Variants in RIMS2 observed in about 807,000 individuals in gnomAD.
RIMS2 encodes regulating synaptic membrane exocytosis protein 2.
Under a neutral mutation model 174.4 loss-of-function variants are expected in RIMS2, and 59 were observed. The observed-to-expected ratio is 0.34, with a 90% CI of 0.27 to 0.42. The LOEUF is 0.42. RIMS2 is among the 10% of genes least tolerant of loss of function. The probability of loss-of-function intolerance (pLI) is 1.00; values close to 1 mark genes in which losing one functional copy is unlikely to be tolerated. For synonymous variants in RIMS2, 606 were observed against 572.5 expected, an observed-to-expected ratio of 1.06 and a Z score of -0.84; for missense variants, 1,620 against 1,666.3, an observed-to-expected ratio of 0.97 and a Z score of 0.48.
intron 3 of RIMS2, among the ~76,000 whole-genome samples, chr8:103,770,365 C>G (rs1189972605): frequency 2.6e-5 from 4 of 152,112 alleles, no homozygotes; most frequent in African/African-American, 9.7e-5. Flanking sequence ...CACCTGAGGT[C>G]AGGAGTTCAA....
At chr8:103,696,716 T>C (rs2097105198) in intron 1 of RIMS2, among the ~76,000 whole-genome samples, 2 of 151,626 alleles carry the variant, frequency 1.3e-5, no homozygotes, top group Admixed American at 6.6e-5. Context: ...ATATAAAAAT[T>C]AGCTGGCGTG....
chr8:103,831,077 G>A (rs2098822998), intron 3 of RIMS2, among the ~76,000 whole-genome samples: 1 of 152,124 alleles, frequency 6.6e-6, no homozygotes, highest in African/African-American at 2.4e-5. Context: ...CCAAAGTACT[G>A]GGATTACAGG....
intron 3 of RIMS2, among the ~76,000 whole-genome samples, chr8:103,802,447 C>G (rs1371009340): frequency 1.3e-5 from 2 of 152,072 alleles, no homozygotes; most frequent in Non-Finnish European, 2.9e-5. Context: ...TTCACCTTCC[C>G]CTTTGGCTCT....
chr8:103,991,069 G>A (rs537773904), intron 17 of RIMS2, among the ~76,000 whole-genome samples: 3 of 151,898 alleles, frequency 2.0e-5, no homozygotes, highest in African/African-American at 7.2e-5. Flanking sequence ...TCATGTCAGA[G>A]ATATCCTACA....
intron 19 of RIMS2, among the ~76,000 whole-genome samples, chr8:104,150,349 G>T (rs939305485): frequency 6.6e-6 from 1 of 152,102 alleles, no homozygotes; most frequent in African/African-American, 2.4e-5. Flanking sequence ...GACACATGAA[G>T]AAAAAAGATG....
chr8:103,948,070 C>A (rs1004728792), intron 14 of RIMS2, among the ~76,000 whole-genome samples: 2 of 152,032 alleles, frequency 1.3e-5, no homozygotes. Flanking sequence ...ATATGGATCA[C>A]AAATAAGGCC....
At chr8:103,922,749 G>A in intron 10 of RIMS2, 1 of 287,490 alleles carries the variant, frequency 3.5e-6, no homozygotes, top group South Asian at 2.8e-5. Context: ...TTTGGGGGTG[G>A]GTGGGGAGGA....
At chr8:103,720,718 T>C (rs2097435524) in intron 2 of RIMS2, among the ~76,000 whole-genome samples, 1 of 152,328 alleles carries the variant, frequency 6.6e-6, no homozygotes, top group South Asian at 2.1e-4. Context: ...GACTGTATTA[T>C]TTAGACAGCA....
intron 13 of RIMS2, among the ~76,000 whole-genome samples, chr8:103,938,492 A>T (rs1159674958): frequency 6.6e-6 from 1 of 152,194 alleles, no homozygotes. Flanking sequence ...TTCCCACGAC[A>T]CATGGGAATT....
chr8:103,656,458 G>A (rs1178771454), intron 1 of RIMS2, among the ~76,000 whole-genome samples: 1 of 152,088 alleles, frequency 6.6e-6, no homozygotes, highest in Non-Finnish European at 1.5e-5. Context: ...GTTAAGCTCT[G>A]AAAAATCCTT....
intron 22 of RIMS2, 104 bp from the exon 29 acceptor site, chr8:104,250,920 A>T: frequency 1.0e-6 from 1 of 958,904 alleles, no homozygotes; most frequent in Non-Finnish European, 1.6e-6. Context: ...CATGATTGCT[A>T]GCTCTTTCAG....
rs2075980857 is a variant in RIMS2 at position 103,912,976 on chromosome 8, T to TG, written c.1812+804_1812+805insG. Among the ~76,000 whole-genome samples the TG allele has an allele frequency of 2.1e-5, 3 of 144,620 alleles. 1 individual carries two copies. In the South Asian group the frequency reaches 6.8e-4, roughly 33 times the overall value. 94.9% of individuals were successfully genotyped at this position (144,620 alleles called of 152,430 possible). A position where few individuals can be genotyped will look rare whatever the true frequency, so the allele number is the denominator to read the frequency against. On this transcript the variant is annotated intron_variant, in intron 6 of 23. Transcript: ENST00000504942. ...CTAGCAAACTTTTTTTGTTGTTTTT[T>TG]TTTTTTTTTTTTTTGAGATGGAGTC...
At chr8:103,611,699 C>G (rs1483292572) in intron 1 of RIMS2, among the ~76,000 whole-genome samples, 6 of 151,644 alleles carry the variant, frequency 4.0e-5, no homozygotes, top group Non-Finnish European at 5.9e-5. Context: ...CTTTTAGGAT[C>G]CTTTCTTTAT....
chr8:103,797,073 G>A (rs2098554898), intron 3 of RIMS2, among the ~76,000 whole-genome samples: 1 of 152,190 alleles, frequency 6.6e-6, no homozygotes, highest in African/African-American at 2.4e-5. Flanking sequence ...AAGTGAAGAA[G>A]TAAGACGTGT....
At chr8:104,086,630 G>A (rs2097541874) in intron 19 of RIMS2, among the ~76,000 whole-genome samples, 1 of 151,974 alleles carries the variant, frequency 6.6e-6, no homozygotes, top group African/African-American at 2.4e-5. Flanking sequence ...CATATCAAGC[G>A]ACAGCTGGTT....
chr8:103,781,322 C>T lies in RIMS2; in HGVS notation c.698+14785C>T, dbSNP rs146894017. Among the ~76,000 whole-genome samples the T allele has an allele frequency of 8.4e-3, 1,275 of 152,172 alleles. 18 individuals are homozygous for T. The highest frequency in any genetic ancestry group is 8.1e-3 in the Admixed American group (123 of 15,274). ...GGCCCTGAGAACTGTCTCTTCCTCA[C>T]GTTTGAATTCTGGGATATTGCTGAT... On this transcript the variant is annotated intron_variant, in intron 3 of 23. Transcript: ENST00000504942.
intron 19 of RIMS2, among the ~76,000 whole-genome samples, chr8:104,103,283 T>C (rs2097946227): frequency 6.6e-6 from 1 of 152,140 alleles, no homozygotes; most frequent in Non-Finnish European, 1.5e-5. Flanking sequence ...TTTGGGGTGA[T>C]GAAATGTTGT....
intron 19 of RIMS2, among the ~76,000 whole-genome samples, chr8:104,047,322 C>A (rs1419306853): frequency 2.0e-5 from 3 of 152,170 alleles, no homozygotes; most frequent in Admixed American, 6.5e-5. Context: ...TTACCTATGC[C>A]TATCACCCAC....
At chr8:104,174,095 T>A (rs1399333104) in intron 19 of RIMS2, among the ~76,000 whole-genome samples, 1 of 151,834 alleles carries the variant, frequency 6.6e-6, no homozygotes. Flanking sequence ...TACAGGTGCC[T>A]GCCACCACGC....
Sources: gnomAD v4.1 joint callset for allele counts (sites outside exome capture counted in the v4.1 genomes callset) on GRCh38, gnomAD v4.1.1 for gene constraint, MANE v1.5 for transcripts, NCBI Gene and HGNC (gene_info 2026-07-23, HGNC 2026-07-21) for gene names.